The following KIZ variants were observed in gnomAD, a reference collection of about 807,000 sequenced individuals.
KIZ encodes the protein kizuna centrosomal protein, also known as centrosomal protein kizuna.
KIZ carries 68 observed loss-of-function variants against 79.6 expected under a neutral mutation model. The ratio of observed to expected loss-of-function variants is 0.85; its 90% CI spans 0.70 to 1.05. The LOEUF is 1.05. Ranked by LOEUF, KIZ falls within the 50% of genes least tolerant of loss-of-function variation. The probability of loss-of-function intolerance (pLI) is 0.00; values close to 1 mark genes in which losing one functional copy is unlikely to be tolerated. For missense variants in KIZ, 797 were observed against 800.4 expected (o/e 1.00, Z 0.05); for synonymous variants, 280 against 281.8 (o/e 0.99, Z 0.06).
In KIZ at chr20:21,130,104, CT is replaced by C. The variant is rs888625367; in HGVS notation, c.90-1985del. ...TCACCAGCTATCTTAACGATGCTCC[CT>C]TTTTTTTCCCCCTGGTCCAGTGGCT... On this transcript the variant is annotated intron_variant, in intron 1 of 12. Transcript: ENST00000619189. 3.1e-4 allele frequency among the ~76,000 whole-genome samples: 47 copies of C among 152,144 alleles called. 1 individual carries two copies. Among genetic ancestry groups the C allele is most frequent in the East Asian group, 7.7e-4 (4 of 5,172 alleles).
intron 4 of KIZ, among the ~76,000 whole-genome samples, chr20:21,156,143 C>G (rs1002003630): frequency 2.0e-5 from 3 of 152,068 alleles, no homozygotes; most frequent in Non-Finnish European, 4.4e-5. Flanking sequence ...ACAAAGTGTT[C>G]CCTTGGATCC....
At chr20:21,192,826 A>G (rs912014970) in intron 6 of KIZ, among the ~76,000 whole-genome samples, 1 of 152,204 alleles carries the variant, frequency 6.6e-6, no homozygotes, top group African/African-American at 2.4e-5. Flanking sequence ...GACTTGAAGA[A>G]CATACAGTGG....
intron 6 of KIZ, among the ~76,000 whole-genome samples, chr20:21,167,628 C>T (rs1296186761): frequency 1.5e-5 from 2 of 133,506 alleles, no homozygotes; most frequent in African/African-American, 5.5e-5. Flanking sequence ...ATGGCACGAT[C>T]TCGGCTCACT....
chr20:21,171,557 C>T (rs569447829), intron 6 of KIZ, among the ~76,000 whole-genome samples: 1 of 152,226 alleles, frequency 6.6e-6, no homozygotes, highest in Non-Finnish European at 1.5e-5. Flanking sequence ...GTGATCCTGC[C>T]ACCTCACCCT....
chr20:21,218,693 A>G (rs2036393804), intron 9 of KIZ: 1 of 152,218 alleles, frequency 6.6e-6, no homozygotes, highest in South Asian at 2.1e-4. Context: ...ACTTTGTGAA[A>G]CATACACACA....
At chr20:21,211,796 G>A (rs957260073) in intron 7 of KIZ, among the ~76,000 whole-genome samples, 1 of 152,186 alleles carries the variant, frequency 6.6e-6, no homozygotes, top group Non-Finnish European at 1.5e-5. Flanking sequence ...CCTGACTGCA[G>A]AAGTTGTTTT....
chr20:21,229,643 T>G (rs899355393), intron 10 of KIZ, among the ~76,000 whole-genome samples: 7 of 152,190 alleles, frequency 4.6e-5, no homozygotes, highest in African/African-American at 1.7e-4. Flanking sequence ...AATGGCATGA[T>G]GGCTTACTGA....
intron 9 of KIZ, among the ~76,000 whole-genome samples, chr20:21,226,572 C>T (rs2036661821): frequency 6.6e-6 from 1 of 152,168 alleles, no homozygotes; most frequent in African/African-American, 2.4e-5. Context: ...TGCATCTGAT[C>T]CACAGTTGGG....
At chr20:21,170,572 T>G (rs2034159251) in intron 6 of KIZ, among the ~76,000 whole-genome samples, 1 of 152,074 alleles carries the variant, frequency 6.6e-6, no homozygotes, top group Non-Finnish European at 1.5e-5. Flanking sequence ...GTATTTTTAG[T>G]AGAGATGGGG....
At chr20:21,160,805 A>G (rs1190322063) in intron 4 of KIZ, 2 of 152,172 alleles carry the variant, frequency 1.3e-5, no homozygotes, top group African/African-American at 4.8e-5. Context: ...TAGTTTCTTT[A>G]TAAAAGAGGC....
intron 1 of KIZ, among the ~76,000 whole-genome samples, chr20:21,131,690 C>G (rs562320997): frequency 6.6e-6 from 1 of 152,224 alleles, no homozygotes; most frequent in Non-Finnish European, 1.5e-5. Flanking sequence ...TCTTGGCTGG[C>G]TAGTTCGCCA....
At chr20:21,139,979 A>G (rs972231229) in intron 3 of KIZ, among the ~76,000 whole-genome samples, 2 of 152,204 alleles carry the variant, frequency 1.3e-5, no homozygotes, top group African/African-American at 4.8e-5. Context: ...CCATCACCCT[A>G]GGTCCAAAGC....
intron 6 of KIZ, chr20:21,166,146 G>C (rs1203346835): frequency 1.2e-6 from 1 of 833,822 alleles, no homozygotes; most frequent in South Asian, 1.6e-5. Context: ...TTTGTATTTT[G>C]TATTTTTTTT....
chr20:21,208,109 A>C, intron 7 of KIZ, among the ~76,000 whole-genome samples: 1 of 152,190 alleles, frequency 6.6e-6, no homozygotes, highest in East Asian at 1.9e-4. Context: ...ATGCTTGTTC[A>C]CTGCAAGTAC....
intron 9 of KIZ, among the ~76,000 whole-genome samples, chr20:21,220,796 T>G (rs983953918): frequency 6.6e-6 from 1 of 152,220 alleles, no homozygotes; most frequent in African/African-American, 2.4e-5. Context: ...GCCTTTTTTA[T>G]TTTACCAAAA....
rs1322293296 is a variant in KIZ at position 21,126,115 on chromosome 20, C to T, written c.-1C>T. 6.6e-6 allele frequency: 10 copies of T among 1,512,790 alleles called. No homozygotes were observed. Among genetic ancestry groups the T allele is most frequent in the Non-Finnish European group, 8.8e-6 (10 of 1,131,210 alleles). 93.7% of individuals were successfully genotyped at this position (1,512,790 alleles called of 1,614,324 possible). On this transcript the variant is annotated 5_prime_UTR_variant, in exon 1 of 13. Coordinates refer to ENST00000619189, the MANE Select transcript of KIZ (RefSeq NM_018474.6). ...TGCTGAGCTGGCGCAGCGGCAGCAG[C>T]ATGAGCCGGACCCTCGCATCGGCCG...
At chr20:21,222,160 G>A (rs2036521889) in intron 9 of KIZ, among the ~76,000 whole-genome samples, 1 of 152,232 alleles carries the variant, frequency 6.6e-6, no homozygotes, top group Non-Finnish European at 1.5e-5. Context: ...GGGCAGTGCT[G>A]TTTATTTAAC....
intron 7 of KIZ, among the ~76,000 whole-genome samples, chr20:21,209,033 G>A (rs2035955769): frequency 6.6e-6 from 1 of 152,154 alleles, no homozygotes; most frequent in Admixed American, 6.5e-5. Flanking sequence ...AAACTACTTG[G>A]TTAAGAGTCT....
Position 21,211,061 on chromosome 20 carries a change from A to G in KIZ, c.1447-3474A>G, listed in dbSNP as rs80204066. Among the ~76,000 whole-genome samples the G allele has an allele frequency of 9.8e-3, 1,485 of 152,270 alleles. 27 individuals carry two copies. Among genetic ancestry groups the G allele is most frequent in the African/African-American group, 0.034 (1,409 of 41,540 alleles). Reference sequence around the variant, plus strand: ...TTTTCTTAATGGTGTTTTGGATACAATGTCTTTTCTATTAATGTCTTACAT... The same window carrying G: ...TTTTCTTAATGGTGTTTTGGATACAGTGTCTTTTCTATTAATGTCTTACAT... On this transcript the variant is annotated intron_variant, in intron 7 of 12. Coordinates refer to ENST00000619189, the MANE Select transcript of KIZ (RefSeq NM_018474.6).
Sources: allele counts gnomAD v4.1 joint callset (sites outside exome capture counted in the v4.1 genomes callset), GRCh38; gene constraint gnomAD v4.1.1; transcripts MANE v1.5; gene names NCBI Gene and HGNC (gene_info 2026-07-23, HGNC 2026-07-21).